Variants in MAPK4 observed in about 807,000 individuals in gnomAD.
MAPK4 encodes mitogen-activated protein kinase 4.
In MAPK4, 22 loss-of-function variants were observed where a neutral mutation model predicts 47.7. The ratio of observed to expected loss-of-function variants is 0.46; its 90% CI spans 0.33 to 0.66. The LOEUF (loss-of-function observed/expected upper bound fraction) is 0.66, where lower values mean the gene tolerates loss of function less well. MAPK4 is among the 30% of genes least tolerant of loss of function. The pLI, the probability that MAPK4 is intolerant of heterozygous loss-of-function variation, is 0.02. For missense variants in MAPK4, 736 were observed against 831.7 expected (o/e 0.88, Z 1.42); for synonymous variants, 390 against 365.7 (o/e 1.07, Z -0.76).
chr18:50,597,659 C>G (rs1406781580), intron 1 of MAPK4, among the ~76,000 whole-genome samples: 3 of 152,098 alleles, frequency 2.0e-5, no homozygotes, highest in African/African-American at 7.2e-5. Context: ...TCATGTTGGA[C>G]CAGGAGGCAC....
intron 1 of MAPK4, among the ~76,000 whole-genome samples, chr18:50,585,119 T>G (rs1400345501): frequency 6.6e-6 from 1 of 152,184 alleles, no homozygotes; most frequent in East Asian, 1.9e-4. Flanking sequence ...ACAGGATCAC[T>G]TAGGATGCTT....
chr18:50,588,847 C>T (rs2149366301), intron 1 of MAPK4, among the ~76,000 whole-genome samples: 1 of 152,294 alleles, frequency 6.6e-6, no homozygotes, highest in Non-Finnish European at 1.5e-5. Context: ...TGAGCCACTG[C>T]ACCTGGCTGT....
At chr18:50,576,745 G>A (rs2042300751) in intron 1 of MAPK4, among the ~76,000 whole-genome samples, 1 of 152,096 alleles carries the variant, frequency 6.6e-6, no homozygotes, top group South Asian at 2.1e-4. Context: ...CAGGTCTGTG[G>A]AAGTCCCTAG....
intron 2 of MAPK4, among the ~76,000 whole-genome samples, chr18:50,704,123 T>C (rs1909926722): frequency 6.6e-6 from 1 of 152,064 alleles, no homozygotes; most frequent in South Asian, 2.1e-4. Context: ...TTCCATTCCC[T>C]CCCACGCCAT....
At chr18:50,599,436 T>TA (rs1451843860) in intron 1 of MAPK4, among the ~76,000 whole-genome samples, 6 of 152,128 alleles carry the variant, frequency 3.9e-5, no homozygotes, top group East Asian at 1.9e-4. Context: ...TTATTATTAT[T>TA]TTGAGACGGA....
intron 5 of MAPK4, 147 bp downstream of exon 5, chr18:50,726,322 TG>T: frequency 2.6e-6 from 2 of 768,442 alleles, no homozygotes; most frequent in Non-Finnish European, 4.3e-6. Context: ...GCCTTTCTCT[TG>T]TGCCCAGACA....
In MAPK4 at chr18:50,624,496, A is replaced by G. The variant is rs2042759272; in HGVS notation, c.-870-38593A>G. ...CTGTTCACCTAATATTGTTAATAGT[A>G]TATAACTTACAAGATAGTATATACT... On this transcript the variant is annotated intron_variant, in intron 1 of 5. Coordinates refer to ENST00000400384, the MANE Select transcript of MAPK4 (RefSeq NM_002747.4). Among the ~76,000 whole-genome samples, 3 of 152,244 alleles carry G rather than the reference A, an allele frequency of 2.0e-5. 1 individual carries two copies. The highest frequency in any genetic ancestry group is 7.2e-5 in the African/African-American group (3 of 41,476).
intron 2 of MAPK4, among the ~76,000 whole-genome samples, chr18:50,696,097 T>TAAA (rs111403643): frequency 7.8e-6 from 1 of 127,740 alleles, no homozygotes; most frequent in South Asian, 2.5e-4. Flanking sequence ...CTCCCCTGAT[T>TAAA]AAAAAAAAAA....
Position 50,672,432 on chromosome 18 carries a change from G to A in MAPK4, c.546+7928G>A, listed in dbSNP as rs940837269. Among the ~76,000 whole-genome samples, 21 of 152,296 alleles carry A rather than the reference G, an allele frequency of 1.4e-4. 1 individual carries two copies. The highest frequency in any genetic ancestry group is 3.4e-3 in the Middle Eastern group (1 of 294). Reference sequence around the variant, plus strand: ...AAAATATGATCAAGGGGATTAGAACGGAGGCTGTACTTGAGAGTCAGGTGT... The same window carrying A: ...AAAATATGATCAAGGGGATTAGAACAGAGGCTGTACTTGAGAGTCAGGTGT... On this transcript the variant is annotated intron_variant, in intron 2 of 5. Transcript: ENST00000400384.
chr18:50,638,080 T>C (rs900283533), intron 1 of MAPK4, among the ~76,000 whole-genome samples: 1 of 152,162 alleles, frequency 6.6e-6, no homozygotes, highest in Non-Finnish European at 1.5e-5. Context: ...GCTGGGTCCT[T>C]CCCCTCTCTC....
At chr18:50,654,591 G>A (rs987999620) in intron 1 of MAPK4, among the ~76,000 whole-genome samples, 6 of 152,222 alleles carry the variant, frequency 3.9e-5, no homozygotes, top group Non-Finnish European at 5.9e-5. Flanking sequence ...GTTTCCCCTT[G>A]AATCTACAAG....
intron 2 of MAPK4, among the ~76,000 whole-genome samples, chr18:50,689,710 G>A (rs941459808): frequency 3.9e-4 from 60 of 152,168 alleles, no homozygotes; most frequent in African/African-American, 1.4e-3. Flanking sequence ...GGGCAACAGA[G>A]CGAGAACCCA....
rs755010351 is a variant in MAPK4 at position 50,663,919 on chromosome 18, C to T, written c.-40C>T. The T allele has an allele frequency of 5.7e-6, 9 of 1,565,860 alleles. No homozygotes were observed. The East Asian group carries it at 1.8e-4, about 31-fold the overall frequency. On this transcript the variant is annotated 5_prime_UTR_variant, in exon 2 of 6. Coordinates refer to ENST00000400384, the MANE Select transcript of MAPK4 (RefSeq NM_002747.4). ...CCGAGACTTGGCCTTTCCTGACTGCCCCTGTGTTACCTGGGCAGCTCCAGA... is the reference window on the plus strand; with the variant it reads ...CCGAGACTTGGCCTTTCCTGACTGCTCCTGTGTTACCTGGGCAGCTCCAGA...
chr18:50,565,858 A>G (rs564576150), intron 1 of MAPK4, among the ~76,000 whole-genome samples: 1 of 152,226 alleles, frequency 6.6e-6, no homozygotes, highest in South Asian at 2.1e-4. Context: ...ATGCTCTATG[A>G]TGTTCCCATA....
rs1911545801 is a variant in MAPK4, at chr18:50,731,190, G to A, written c.*1336G>A. 6.6e-6 allele frequency: 1 copy of A among 152,246 alleles called. No individual in the cohort carries two copies. Among genetic ancestry groups the A allele is most frequent in the Non-Finnish European group, 1.5e-5 (1 of 68,098 alleles). 9.4% of individuals were successfully genotyped at this position (152,246 alleles called of 1,614,324 possible). On this transcript the variant is annotated 3_prime_UTR_variant, in exon 6 of 6. Transcript: ENST00000400384. ...AGCAGCAATGCCCCTCATAGTGTAGGCTAAGGTGAGTTTGGTGCATGCAAA... is the reference window on the plus strand; with the variant it reads ...AGCAGCAATGCCCCTCATAGTGTAGACTAAGGTGAGTTTGGTGCATGCAAA...
intron 1 of MAPK4, among the ~76,000 whole-genome samples, chr18:50,612,834 T>C (rs1167738733): frequency 1.3e-5 from 2 of 152,184 alleles, no homozygotes; most frequent in Non-Finnish European, 2.9e-5. Flanking sequence ...AAGTGACAGG[T>C]TCCCATCTTG....
At chr18:50,662,499 C>G (rs186814729) in intron 1 of MAPK4, among the ~76,000 whole-genome samples, 1 of 152,292 alleles carries the variant, frequency 6.6e-6, no homozygotes, top group Admixed American at 6.5e-5. Flanking sequence ...AAAGAGAGTC[C>G]TTTTATTATA....
intron 1 of MAPK4, among the ~76,000 whole-genome samples, chr18:50,619,218 A>G (rs1018780963): frequency 2.0e-5 from 3 of 152,244 alleles, no homozygotes; most frequent in African/African-American, 7.2e-5. Flanking sequence ...GAGACTTTTC[A>G]TCAGGAAAAA....
intron 2 of MAPK4, among the ~76,000 whole-genome samples, chr18:50,673,979 T>C (rs533207403): frequency 6.6e-6 from 1 of 152,356 alleles, no homozygotes; most frequent in South Asian, 2.1e-4. Context: ...TGTTCCCCTG[T>C]ATGTAATGTG....
Sources: gnomAD v4.1 joint callset for allele counts (sites outside exome capture counted in the v4.1 genomes callset) on GRCh38, gnomAD v4.1.1 for gene constraint, MANE v1.5 for transcripts, NCBI Gene and HGNC (gene_info 2026-07-23, HGNC 2026-07-21) for gene names.